Variants in XPNPEP3 observed in about 807,000 individuals in gnomAD.
XPNPEP3 encodes xaa-Pro aminopeptidase 3.
XPNPEP3 carries 41 observed loss-of-function variants against 60.0 expected under a neutral mutation model. The observed-to-expected ratio is 0.68, with a 90% CI of 0.53 to 0.89. The LOEUF (loss-of-function observed/expected upper bound fraction) is 0.89, where lower values mean the gene tolerates loss of function less well. XPNPEP3 is among the 40% of genes least tolerant of loss of function. XPNPEP3 has a pLI of 0.00. For missense variants in XPNPEP3, 598 were observed against 638.9 expected (o/e 0.94, Z 0.69); for synonymous variants, 212 against 223.2 (o/e 0.95, Z 0.45).
Position 40,916,393 on chromosome 22 carries a change from T to A in XPNPEP3, c.1055+2069T>A, listed in dbSNP as rs967320884. The stretch of plus-strand genomic sequence containing the variant: ...GATAAGTTAAAGGAAGATGTAGACA[T>A]AATGAGCAAACAGATGGAGAATCTC... On this transcript the variant is annotated intron_variant, in intron 7 of 9. Coordinates refer to ENST00000357137, the MANE Select transcript of XPNPEP3 (RefSeq NM_022098.4). 2.0e-5 allele frequency among the ~76,000 whole-genome samples: 3 copies of A among 151,680 alleles called. No individual in the cohort carries two copies. In the East Asian group the frequency reaches 5.8e-4, roughly 29 times the overall value.
intron 4 of XPNPEP3, among the ~76,000 whole-genome samples, chr22:40,896,630 CA>C (rs906028890): frequency 4.0e-4 from 52 of 128,856 alleles, no homozygotes; most frequent in Admixed American, 3.9e-4. Context: ...AGAGACTCTG[CA>C]AAAAAAAAAA....
rs1477745900 is a variant in XPNPEP3 at position 40,932,575 on chromosome 22, A to T, written c.*6140A>T. 6.6e-6 allele frequency: 1 copy of T among 152,146 alleles called. No individual in the cohort carries two copies. Among genetic ancestry groups the T allele is most frequent in the East Asian group, 1.9e-4 (1 of 5,202 alleles). 9.4% of individuals were successfully genotyped at this position (152,146 alleles called of 1,614,324 possible). A position where few individuals can be genotyped will look rare whatever the true frequency, so the allele number is the denominator to read the frequency against. ...GAGTTTGAGCATCATTATTGTTTGA[A>T]TCAGAGGACCCACTGGAATCAAGGC... On this transcript the variant is annotated 3_prime_UTR_variant, in exon 10 of 10. Coordinates refer to ENST00000357137, the MANE Select transcript of XPNPEP3 (RefSeq NM_022098.4).
At chr22:40,859,643 C>T (rs1368828909) in intron 1 of XPNPEP3, 1 of 152,142 alleles carries the variant, frequency 6.6e-6, no homozygotes, top group Non-Finnish European at 1.5e-5. Flanking sequence ...AATAACCTTT[C>T]CTTCTCCCAT....
chr22:40,870,104 A>G (rs766772381), intron 2 of XPNPEP3: 1 of 470,926 alleles, frequency 2.1e-6, no homozygotes, highest in Non-Finnish European at 4.4e-6. Flanking sequence ...TCACCACTGA[A>G]ACCCACAAGA....
rs1004728649 is a variant in XPNPEP3, at chr22:40,928,886, C to A, written c.*2451C>A. On this transcript the variant is annotated 3_prime_UTR_variant, in exon 10 of 10. Coordinates refer to ENST00000357137, the MANE Select transcript of XPNPEP3 (RefSeq NM_022098.4). ...AGATAATGTGAAAACAAAAGTGATA[C>A]AAATCATATCCTGACAGTGCTAGCC... 6.6e-6 allele frequency: 1 copy of A among 152,132 alleles called. No homozygotes were observed. Among genetic ancestry groups the A allele is most frequent in the Admixed American group, 6.6e-5 (1 of 15,252 alleles). 9.4% of individuals were successfully genotyped at this position (152,132 alleles called of 1,614,324 possible). A position where few individuals can be genotyped will look rare whatever the true frequency, so the allele number is the denominator to read the frequency against.
intron 1 of XPNPEP3, among the ~76,000 whole-genome samples, chr22:40,863,951 C>T (rs1401308045): frequency 6.6e-6 from 1 of 152,184 alleles, no homozygotes; most frequent in Non-Finnish European, 1.5e-5. Context: ...CAAACAGATA[C>T]TGAGAACCTG....
intron 4 of XPNPEP3, among the ~76,000 whole-genome samples, chr22:40,889,606 G>T (rs2058081626): frequency 6.6e-6 from 1 of 152,172 alleles, no homozygotes; most frequent in Non-Finnish European, 1.5e-5. Flanking sequence ...GGAGGATCAC[G>T]TGAGGCAGCG....
chr22:40,870,060 G>C, intron 2 of XPNPEP3: 1 of 471,022 alleles, frequency 2.1e-6, no homozygotes, highest in Non-Finnish European at 4.4e-6. Context: ...TCGAATTCCT[G>C]CTGGGAAGTC....
intron 8 of XPNPEP3, among the ~76,000 whole-genome samples, chr22:40,923,794 G>A (rs1484873967): frequency 6.6e-6 from 1 of 152,120 alleles, no homozygotes; most frequent in African/African-American, 2.4e-5. Context: ...AGAGTTTGCA[G>A]TGAGCCAAGA....
At chr22:40,878,224 T>G (rs866359788) in intron 2 of XPNPEP3, among the ~76,000 whole-genome samples, 1 of 146,388 alleles carries the variant, frequency 6.8e-6, no homozygotes, top group East Asian at 2.0e-4. Context: ...AAAAAAAAAA[T>G]GTGTTGTGAT....
At chr22:40,861,958 A>G in intron 1 of XPNPEP3, 1 of 1,609,724 alleles carries the variant, frequency 6.2e-7, no homozygotes, top group Non-Finnish European at 8.5e-7. Flanking sequence ...GGTGAAGCAT[A>G]TCTTTGCAGT....
chr22:40,886,043 C>A (rs146435528), intron 3 of XPNPEP3, among the ~76,000 whole-genome samples: 3,954 of 152,228 alleles, frequency 0.026, 489 homozygotes, highest in Admixed American at 0.21. Flanking sequence ...AGTCCCGTAT[C>A]ATCCTTTATA....
intron 1 of XPNPEP3, among the ~76,000 whole-genome samples, chr22:40,863,354 C>T (rs2057961703): frequency 6.6e-6 from 1 of 152,168 alleles, no homozygotes; most frequent in Non-Finnish European, 1.5e-5. Flanking sequence ...CTATACCTGG[C>T]TCATTTTATT....
chr22:40,918,045 A>G (rs1248614420), intron 7 of XPNPEP3, among the ~76,000 whole-genome samples: 3 of 151,630 alleles, frequency 2.0e-5, no homozygotes, highest in African/African-American at 4.8e-5. Context: ...AAATAACAGT[A>G]CACACAAATA....
At chr22:40,881,127 C>G (rs2058046320) in intron 2 of XPNPEP3, among the ~76,000 whole-genome samples, 1 of 151,846 alleles carries the variant, frequency 6.6e-6, no homozygotes, top group Non-Finnish European at 1.5e-5. Context: ...CTCACTGCAA[C>G]CTCCACCTCC....
At chr22:40,919,963 C>T (rs2058210329) in intron 7 of XPNPEP3, among the ~76,000 whole-genome samples, 1 of 152,120 alleles carries the variant, frequency 6.6e-6, no homozygotes, top group South Asian at 2.1e-4. Flanking sequence ...AAGCCAGACA[C>T]AAAAGAGTAT....
At chr22:40,861,080 G>T in intron 1 of XPNPEP3, 1 of 1,588,902 alleles carries the variant, frequency 6.3e-7, no homozygotes, top group South Asian at 1.2e-5. Context: ...AATTCCTTTT[G>T]GTAGACTTCT....
At position 40,914,248 on chromosome 22, in the gene XPNPEP3, A is replaced by G. The variant is rs755959024; in HGVS notation, c.979A>G (p.Met327Val). 2 of 1,613,888 alleles carry G rather than the reference A, an allele frequency of 1.2e-6. No individual in the cohort carries two copies. Among genetic ancestry groups the G allele is most frequent in the Non-Finnish European group, 1.7e-6 (2 of 1,179,978 alleles). The change falls in exon 7 of 10, where the codon ATG becomes GTG. Residue 327 changes from methionine to valine, a missense_variant. Coordinates refer to ENST00000357137, the MANE Select transcript of XPNPEP3 (RefSeq NM_022098.4). ...KNNQLIKDGEMVLLDGGCESS... is the reference protein window; with the variant it reads ...KNNQLIKDGEVVLLDGGCESS... ...TCTTACTTTGTTCCAGGATGGGGAA[A>G]TGGTGCTTCTGGATGGAGGTTGTGA...
chr22:40,861,902 G>A (rs767552634), intron 1 of XPNPEP3: 1 of 1,613,722 alleles, frequency 6.2e-7, no homozygotes, highest in Admixed American at 1.7e-5. Context: ...TTTTATCAGG[G>A]TGCCATTTAA....
Sources: gnomAD v4.1 joint callset for allele counts (sites outside exome capture counted in the v4.1 genomes callset) on GRCh38, gnomAD v4.1.1 for gene constraint, MANE v1.5 for transcripts, NCBI Gene and HGNC (gene_info 2026-07-23, HGNC 2026-07-21) for gene names.